CDH13: variants seen among roughly 807,000 people sequenced by gnomAD.
CDH13 encodes the protein cadherin-13.
Under a neutral mutation model 63.8 loss-of-function variants are expected in CDH13, and 24 were observed. The observed-to-expected ratio is 0.38, with a 90% CI of 0.27 to 0.53. The LOEUF is 0.53. CDH13 is among the 20% of genes least tolerant of loss of function. CDH13 has a pLI of 0.85. For synonymous variants in CDH13, 503 were observed against 355.3 expected (o/e 1.42, Z -4.67); for missense variants, 1,049 against 903.1 (o/e 1.16, Z -2.07).
intron 6 of CDH13, among the ~76,000 whole-genome samples, chr16:83,458,964 T>A (rs553172066): frequency 3.9e-4 from 59 of 152,360 alleles, no homozygotes; most frequent in African/African-American, 1.3e-3. Context: ...TATTTACAGA[T>A]GATGAAACGA....
chr16:83,650,091 T>A (rs1302535664), intron 8 of CDH13, among the ~76,000 whole-genome samples: 4 of 152,202 alleles, frequency 2.6e-5, no homozygotes, highest in Non-Finnish European at 5.9e-5. Flanking sequence ...AAGCCTCTGC[T>A]CCTTTGTAGG....
intron 6 of CDH13, among the ~76,000 whole-genome samples, chr16:83,436,047 G>A (rs1282862409): frequency 2.6e-5 from 4 of 152,176 alleles, no homozygotes; most frequent in Admixed American, 1.3e-4. Flanking sequence ...GTGGCGTCTC[G>A]CAGGTCAAGG....
intron 7 of CDH13, among the ~76,000 whole-genome samples, chr16:83,575,620 C>T (rs1905037141): frequency 6.6e-6 from 1 of 152,152 alleles, no homozygotes; most frequent in African/African-American, 2.4e-5. Context: ...AGTATTTTTT[C>T]ACCTTGCTCC....
At chr16:83,133,171 C>A (rs1318824214) in intron 4 of CDH13, among the ~76,000 whole-genome samples, 1 of 152,212 alleles carries the variant, frequency 6.6e-6, no homozygotes. Flanking sequence ...GACAACTTGG[C>A]AGTTGAATGT....
At chr16:83,095,687 C>A (rs1356503107) in intron 3 of CDH13, among the ~76,000 whole-genome samples, 1 of 152,088 alleles carries the variant, frequency 6.6e-6, no homozygotes, top group Non-Finnish European at 1.5e-5. Flanking sequence ...CCGGTACAAC[C>A]TAGTTAACTG....
intron 7 of CDH13, among the ~76,000 whole-genome samples, chr16:83,524,393 C>G (rs1269401209): frequency 6.6e-6 from 1 of 151,198 alleles, no homozygotes; most frequent in Non-Finnish European, 1.5e-5. Flanking sequence ...GGTCTTCCAG[C>G]CTGTCTAGCA....
intron 4 of CDH13, among the ~76,000 whole-genome samples, chr16:83,169,663 C>G (rs951906695): frequency 2.0e-5 from 3 of 151,914 alleles, no homozygotes; most frequent in Non-Finnish European, 2.9e-5. Context: ...TTCATAAAGG[C>G]CCACTACTTA....
chr16:82,879,024 A>G (rs1177730074), intron 2 of CDH13, among the ~76,000 whole-genome samples: 1 of 152,086 alleles, frequency 6.6e-6, no homozygotes, highest in Non-Finnish European at 1.5e-5. Flanking sequence ...AACTACATCC[A>G]TGATGTATAT....
chr16:83,430,562 G>C lies in CDH13; in HGVS notation c.782-55915G>C, dbSNP rs74658588. Among the ~76,000 whole-genome samples, 333 of 152,156 alleles carry C rather than the reference G, an allele frequency of 2.2e-3. 8 individuals carry two copies. In the East Asian group the frequency reaches 0.05, roughly 23 times the overall value. ...CCTTTATTCTTCTTTTTGAAATCCT[G>C]CTTTTCTATGTCTTATCCATAGAAT... On this transcript the variant is annotated intron_variant, in intron 6 of 13. Transcript: ENST00000567109.
chr16:82,949,459 G>A (rs1223094972), intron 2 of CDH13, among the ~76,000 whole-genome samples: 1 of 152,166 alleles, frequency 6.6e-6, no homozygotes, highest in Non-Finnish European at 1.5e-5. Context: ...CACTTTTGCA[G>A]ATTCCAGGGG....
intron 1 of CDH13, among the ~76,000 whole-genome samples, chr16:82,744,102 A>G (rs2034054749): frequency 6.6e-6 from 1 of 152,140 alleles, no homozygotes. Context: ...GTCTGGATCT[A>G]AGTCATCTCC....
chr16:83,228,228 G>T (rs545645957), intron 5 of CDH13, among the ~76,000 whole-genome samples: 15 of 152,312 alleles, frequency 9.8e-5, no homozygotes, highest in African/African-American at 3.6e-4. Flanking sequence ...TCACAACTGG[G>T]GCTGTTATTG....
rs112051262 is a variant in CDH13 at position 83,093,239 on chromosome 16, G to T, written c.367-32146G>T. Among the ~76,000 whole-genome samples the T allele has an allele frequency of 3.4e-5, 5 of 145,630 alleles. 2 individuals are homozygous for T. The highest frequency in any genetic ancestry group is 1.3e-4 in the African/African-American group (5 of 39,484). On this transcript the variant is annotated intron_variant, in intron 3 of 13. Transcript: ENST00000567109. The stretch of plus-strand genomic sequence containing the variant: ...TTATTGAAATAATTGACTCTATCAG[G>T]TGGATTTCTCCAGTTGAACACATTT...
At chr16:83,596,423 A>G (rs1464422641) in intron 7 of CDH13, among the ~76,000 whole-genome samples, 3 of 130,332 alleles carry the variant, frequency 2.3e-5, no homozygotes, top group Non-Finnish European at 4.6e-5. Context: ...TTAGGGAGTT[A>G]CCTGTGAATT....
At chr16:83,328,619 T>C (rs7197697) in intron 5 of CDH13, among the ~76,000 whole-genome samples, 148,646 of 152,246 alleles carry the variant, frequency 0.98, 72,641 homozygotes, top group Non-Finnish European at 1. Context: ...GTGGCTTGGC[T>C]GAGAAGGTAA....
intron 6 of CDH13, among the ~76,000 whole-genome samples, chr16:83,434,118 G>C (rs185944212): frequency 6.6e-6 from 1 of 152,120 alleles, no homozygotes; most frequent in Non-Finnish European, 1.5e-5. Flanking sequence ...AAGGGGCATC[G>C]TTAATAGCCC....
chr16:83,042,811 C>T (rs1174747316), intron 3 of CDH13, among the ~76,000 whole-genome samples: 1 of 152,188 alleles, frequency 6.6e-6, no homozygotes, highest in Non-Finnish European at 1.5e-5. Context: ...ATCGATCCTG[C>T]TTACATGAAA....
chr16:83,492,771 G>T (rs140901754), intron 7 of CDH13, among the ~76,000 whole-genome samples: 1 of 152,220 alleles, frequency 6.6e-6, no homozygotes, highest in African/African-American at 2.4e-5. Flanking sequence ...GATGGGGAAG[G>T]CCAGGGTCTT....
intron 7 of CDH13, among the ~76,000 whole-genome samples, chr16:83,546,989 T>G (rs534479763): frequency 6.6e-6 from 1 of 152,326 alleles, no homozygotes; most frequent in African/African-American, 2.4e-5. Flanking sequence ...CTGAACAGCC[T>G]GGCTTCAACT....
Sources: gnomAD v4.1 joint callset for allele counts (sites outside exome capture counted in the v4.1 genomes callset) on GRCh38, gnomAD v4.1.1 for gene constraint, MANE v1.5 for transcripts, NCBI Gene and HGNC (gene_info 2026-07-23, HGNC 2026-07-21) for gene names.